The following BBX variants were observed in gnomAD, a reference collection of about 807,000 sequenced individuals.
BBX encodes the protein BBX high mobility group box domain containing.
In BBX, 30 loss-of-function variants were observed where a neutral mutation model predicts 100.2. That is an observed-to-expected ratio of 0.30 (90% CI 0.22 to 0.41). The LOEUF is 0.41. Ranked by LOEUF, BBX falls within the 10% of genes least tolerant of loss-of-function variation. The pLI is 1.00. For synonymous variants in BBX, 376 were observed against 388.1 expected (o/e 0.97, Z 0.37); for missense variants, 1,023 against 1,129.8 (o/e 0.91, Z 1.35).
intron 8 of BBX, 35 bp from the exon 9 acceptor site, chr3:107,747,930 T>C (rs1441443211): frequency 6.5e-7 from 1 of 1,546,208 alleles, no homozygotes; most frequent in Non-Finnish European, 8.9e-7. Context: ...TGGAAAAATG[T>C]CATTGTATAT....
chr3:107,766,851 T>C (rs1278332976), intron 10 of BBX, among the ~76,000 whole-genome samples: 8 of 152,150 alleles, frequency 5.3e-5, no homozygotes, highest in Non-Finnish European at 1.2e-4. Flanking sequence ...GTGGCACATA[T>C]ACACCATGGA....
intron 3 of BBX, among the ~76,000 whole-genome samples, chr3:107,656,007 AT>A (rs1305931722): frequency 6.6e-6 from 1 of 152,114 alleles, no homozygotes; most frequent in Non-Finnish European, 1.5e-5. Flanking sequence ...GCTAAGTGCT[AT>A]TTTTTAAAAA....
At chr3:107,669,695 AT>A (rs1204696731) in intron 3 of BBX, among the ~76,000 whole-genome samples, 1 of 152,132 alleles carries the variant, frequency 6.6e-6, no homozygotes, top group Admixed American at 6.6e-5. Context: ...GGAAATATGC[AT>A]TTTTAATAGT....
At chr3:107,524,925 CG>C (rs1486622941) in intron 1 of BBX, among the ~76,000 whole-genome samples, 2 of 151,678 alleles carry the variant, frequency 1.3e-5, no homozygotes, top group African/African-American at 4.8e-5. Flanking sequence ...GCTAATGACA[CG>C]TCCAGTTCTC....
chr3:107,553,806 T>C (rs2049879742), intron 2 of BBX, among the ~76,000 whole-genome samples: 1 of 152,250 alleles, frequency 6.6e-6, no homozygotes, highest in Non-Finnish European at 1.5e-5. Flanking sequence ...GTTCAACTTA[T>C]GCATATTTTA....
intron 3 of BBX, among the ~76,000 whole-genome samples, chr3:107,686,567 T>G (rs559952922): frequency 6.6e-6 from 1 of 152,280 alleles, no homozygotes; most frequent in South Asian, 2.1e-4. Flanking sequence ...ATCAATAATT[T>G]AGCACTTTTA....
chr3:107,650,571 A>T (rs995618847), intron 3 of BBX, among the ~76,000 whole-genome samples: 1 of 152,198 alleles, frequency 6.6e-6, no homozygotes, highest in African/African-American at 2.4e-5. Flanking sequence ...TGCTTTTTCT[A>T]AAATGACTAC....
chr3:107,772,936 T>C lies in BBX; in HGVS notation c.1215T>C (p.His405=). The C allele has an allele frequency of 6.2e-7, 1 of 1,611,790 alleles. No individual in the cohort carries two copies. Among genetic ancestry groups the C allele is most frequent in the Non-Finnish European group, 8.5e-7 (1 of 1,179,432 alleles). Residue 405 remains histidine (H), a synonymous_variant, in exon 11 of 18, where the codon CAT becomes CAC. Coordinates refer to ENST00000325805, the MANE Select transcript of BBX (RefSeq NM_001142568.3). The part of the protein sequence containing the change: ...EELEEDHKCS[H]FPDFSYSASS... ...TAGAAGAAGATCACAAATGTAGTCATTTTCCTGATTTTTCTTATTCTGCCA... is the reference window on the plus strand; with the variant it reads ...TAGAAGAAGATCACAAATGTAGTCACTTTCCTGATTTTTCTTATTCTGCCA...
At chr3:107,673,847 T>TA (rs963678977) in intron 3 of BBX, among the ~76,000 whole-genome samples, 6 of 152,282 alleles carry the variant, frequency 3.9e-5, no homozygotes, top group African/African-American at 1.4e-4. Flanking sequence ...TATAAACACA[T>TA]ACCTTTTCCA....
At chr3:107,540,951 A>G (rs2048822831) in intron 2 of BBX, among the ~76,000 whole-genome samples, 2 of 152,218 alleles carry the variant, frequency 1.3e-5, no homozygotes, top group Non-Finnish European at 2.9e-5. Flanking sequence ...ATGGTCATAA[A>G]ATAAATCTGT....
rs575078998 is a variant in BBX at position 107,699,459 on chromosome 3, C to T, written c.-9-10993C>T. Among the ~76,000 whole-genome samples, 14 of 151,974 alleles carry T rather than the reference C, an allele frequency of 9.2e-5. No individual in the cohort carries two copies. The South Asian group carries it at 1.9e-3, about 20-fold the overall frequency. On this transcript the variant is annotated intron_variant, in intron 3 of 17. Transcript: ENST00000325805. ...GTGAAGGAAGGAATTTGGAATTTTT[C>T]ATTAATACATTGAGGGACTATTAAA...
Position 107,686,303 on chromosome 3 carries a change from A to G in BBX, c.-9-24149A>G, listed in dbSNP as rs985049343. On this transcript the variant is annotated intron_variant, in intron 3 of 17. Coordinates refer to ENST00000325805, the MANE Select transcript of BBX (RefSeq NM_001142568.3). ...CAGTTTTATCTGTGATTCCCAATGT[A>G]TGCTTCATAAAATCTCAGATCTAGA... 7.2e-5 allele frequency among the ~76,000 whole-genome samples: 11 copies of G among 152,328 alleles called. No individual in the cohort carries two copies. In the South Asian group the frequency reaches 2.1e-3, roughly 29 times the overall value.
At chr3:107,728,447 A>G (rs2063106810) in intron 5 of BBX, among the ~76,000 whole-genome samples, 1 of 152,156 alleles carries the variant, frequency 6.6e-6, no homozygotes, top group Non-Finnish European at 1.5e-5. Flanking sequence ...CCAGAGCCCT[A>G]GGCTCATTCC....
At chr3:107,531,529 A>G (rs924739236) in intron 2 of BBX, among the ~76,000 whole-genome samples, 3 of 151,358 alleles carry the variant, frequency 2.0e-5, no homozygotes, top group Non-Finnish European at 4.4e-5. Flanking sequence ...ATTACATCTC[A>G]TCTCACCCTA....
chr3:107,563,265 A>G (rs1466317043), intron 2 of BBX, among the ~76,000 whole-genome samples: 1 of 152,198 alleles, frequency 6.6e-6, no homozygotes. Flanking sequence ...CTCAGGATCC[A>G]TGGATCTTGT....
intron 2 of BBX, among the ~76,000 whole-genome samples, chr3:107,534,044 A>G (rs948752762): frequency 4.6e-5 from 7 of 152,220 alleles, no homozygotes; most frequent in African/African-American, 1.7e-4. Context: ...CTATATGGCA[A>G]TCTAGGAATA....
intron 15 of BBX, among the ~76,000 whole-genome samples, chr3:107,791,913 G>C (rs2069097926): frequency 6.6e-6 from 1 of 152,098 alleles, no homozygotes; most frequent in East Asian, 1.9e-4. Flanking sequence ...AGGCAGGAGA[G>C]TTGCTTGAAC....
chr3:107,748,989 C>G (rs1038515588), intron 9 of BBX, among the ~76,000 whole-genome samples: 1 of 151,520 alleles, frequency 6.6e-6, no homozygotes, highest in African/African-American at 2.4e-5. Flanking sequence ...ATACTTTTGG[C>G]TCTTACATTA....
At position 107,752,580 on chromosome 3, in the gene BBX, A is replaced by C. The variant is rs1027419186; in HGVS notation, c.826-3018A>C. Among the ~76,000 whole-genome samples, 4 of 152,288 alleles carry C rather than the reference A, an allele frequency of 2.6e-5. No homozygotes were observed. In the East Asian group the frequency reaches 5.8e-4, roughly 22 times the overall value. On this transcript the variant is annotated intron_variant, in intron 9 of 17. Transcript: ENST00000325805. ...CCACCTGTTTGCTCACCCACCTCAG[A>C]CAGCCATAAAATTAGCAATTTAACA...
Sources: allele counts gnomAD v4.1 joint callset (sites outside exome capture counted in the v4.1 genomes callset), GRCh38; gene constraint gnomAD v4.1.1; transcripts MANE v1.5; gene names NCBI Gene and HGNC (gene_info 2026-07-23, HGNC 2026-07-21).